The following DNER variants were observed in gnomAD, a reference collection of about 807,000 sequenced individuals.
DNER encodes delta and Notch-like epidermal growth factor-related receptor.
In DNER, 33 loss-of-function variants were observed where a neutral mutation model predicts 78.2. The ratio of observed to expected loss-of-function variants is 0.42; its 90% CI spans 0.32 to 0.56. The LOEUF (loss-of-function observed/expected upper bound fraction) is 0.56. DNER is among the 20% of genes least tolerant of loss of function. DNER has a pLI of 0.11. For synonymous variants in DNER, 417 were observed against 384.8 expected (o/e 1.08, Z -0.98); for missense variants, 918 against 975.3 (o/e 0.94, Z 0.78).
intron 1 of DNER, among the ~76,000 whole-genome samples, chr2:229,640,088 T>C (rs570919414): frequency 6.7e-4 from 102 of 152,338 alleles, no homozygotes; most frequent in African/African-American, 2.3e-3. Context: ...ACAGGAGTAC[T>C]TGTCCTTGCT....
At chr2:229,607,175 TAGATCTA>T (rs1308387079) in intron 1 of DNER, among the ~76,000 whole-genome samples, 1 of 152,234 alleles carries the variant, frequency 6.6e-6, no homozygotes, top group Non-Finnish European at 1.5e-5. Flanking sequence ...ATGCTTAAAG[TAGATCTA>T]AAACTTTTTT....
chr2:229,504,254 C>G (rs1695687969), intron 6 of DNER, among the ~76,000 whole-genome samples: 1 of 151,926 alleles, frequency 6.6e-6, no homozygotes, highest in African/African-American at 2.4e-5. Flanking sequence ...GAGTCTCACT[C>G]TGTTGCCCAG....
At chr2:229,364,411 A>T (rs2106325278) in intron 12 of DNER, among the ~76,000 whole-genome samples, 1 of 152,276 alleles carries the variant, frequency 6.6e-6, no homozygotes, top group Non-Finnish European at 1.5e-5. Context: ...CCCTTTATTT[A>T]CAGGGTAGTG....
At chr2:229,703,051 A>C (rs1375458931) in intron 1 of DNER, among the ~76,000 whole-genome samples, 1 of 152,132 alleles carries the variant, frequency 6.6e-6, no homozygotes, top group Non-Finnish European at 1.5e-5. Flanking sequence ...GGTATTCTAA[A>C]AAGCAAGTTC....
At chr2:229,548,009 C>T (rs1043479701) in intron 4 of DNER, among the ~76,000 whole-genome samples, 7 of 152,054 alleles carry the variant, frequency 4.6e-5, no homozygotes, top group East Asian at 3.8e-4. Flanking sequence ...AACAAAATAT[C>T]GAAATTAATG....
intron 1 of DNER, among the ~76,000 whole-genome samples, chr2:229,607,780 T>C (rs1362509815): frequency 2.0e-5 from 3 of 151,986 alleles, no homozygotes; most frequent in Non-Finnish European, 2.9e-5. Flanking sequence ...CCCAGCACTT[T>C]GGGGGGCCGA....
chr2:229,438,546 G>A (rs1213184676), intron 8 of DNER, among the ~76,000 whole-genome samples: 3 of 152,184 alleles, frequency 2.0e-5, no homozygotes, highest in African/African-American at 7.2e-5. Flanking sequence ...GAAAATAAGT[G>A]TCAGGTGTTT....
rs60862514 is a variant in DNER, at chr2:229,660,189, C to T, written c.276+53959G>A. On this transcript the variant is annotated intron_variant, in intron 1 of 12. Transcript: ENST00000341772. Reference sequence around the variant, plus strand: ...TTGTTACATAGGTAAACTTGGGTCACGGTGTTTTTTTGTACAGATTATTTC... The same window carrying T: ...TTGTTACATAGGTAAACTTGGGTCATGGTGTTTTTTTGTACAGATTATTTC... Among the ~76,000 whole-genome samples the T allele has an allele frequency of 7.1e-3, 1,082 of 152,128 alleles. 13 individuals carry two copies. The highest frequency in any genetic ancestry group is 0.025 in the African/African-American group (1,028 of 41,510).
intron 4 of DNER, among the ~76,000 whole-genome samples, chr2:229,556,744 C>T (rs1696861403): frequency 6.6e-6 from 1 of 152,090 alleles, no homozygotes; most frequent in African/African-American, 2.4e-5. Flanking sequence ...GTATTTTGGT[C>T]CTAAAATCTG....
At chr2:229,448,278 T>C (rs1186854573) in intron 7 of DNER, among the ~76,000 whole-genome samples, 3 of 152,102 alleles carry the variant, frequency 2.0e-5, no homozygotes, top group African/African-American at 7.2e-5. Flanking sequence ...AAATACTACA[T>C]ATTATATAAT....
At position 229,380,311 on chromosome 2, in the gene DNER, G is replaced by A. The variant is rs1052782741; in HGVS notation, c.1855+7954C>T. On this transcript the variant is annotated intron_variant, in intron 11 of 12. Transcript: ENST00000341772. Reference sequence around the variant, plus strand: ...GACATAGAGAGGAGTGGAGAGAGCAGACAGATCAGGCCAAGTGACACAGAC... The same window carrying A: ...GACATAGAGAGGAGTGGAGAGAGCAAACAGATCAGGCCAAGTGACACAGAC... Among the ~76,000 whole-genome samples, 5 of 152,200 alleles carry A rather than the reference G, an allele frequency of 3.3e-5. No individual in the cohort carries two copies. In the East Asian group the frequency reaches 9.7e-4, roughly 29 times the overall value.
chr2:229,556,163 T>G (rs1237544177), intron 4 of DNER, among the ~76,000 whole-genome samples: 1 of 152,224 alleles, frequency 6.6e-6, no homozygotes, highest in African/African-American at 2.4e-5. Context: ...CATAGTTTTC[T>G]AGATAATTTG....
intron 1 of DNER, among the ~76,000 whole-genome samples, chr2:229,644,925 T>A (rs1698688358): frequency 6.6e-6 from 1 of 152,198 alleles, no homozygotes. Flanking sequence ...AGGGTGTTTG[T>A]TGACACAAAT....
Position 229,499,319 on chromosome 2 carries a change from C to A in DNER, c.1147+13464G>T, listed in dbSNP as rs1430214554. Among the ~76,000 whole-genome samples the A allele has an allele frequency of 2.0e-5, 3 of 151,728 alleles. No homozygotes were observed. In the South Asian group the frequency reaches 6.3e-4, roughly 32 times the overall value. On this transcript the variant is annotated intron_variant, in intron 6 of 12. Transcript: ENST00000341772. ...AATTAGCTGGGCATGGTGGTGGGTGCCTGTAGTCCCAGCTACTCAGGAGTT... is the reference window on the plus strand; with the variant it reads ...AATTAGCTGGGCATGGTGGTGGGTGACTGTAGTCCCAGCTACTCAGGAGTT...
chr2:229,396,984 C>G (rs1693157842), intron 10 of DNER, among the ~76,000 whole-genome samples: 1 of 152,088 alleles, frequency 6.6e-6, no homozygotes, highest in South Asian at 2.1e-4. Flanking sequence ...CTTCCTCAGA[C>G]TTTGGGGGTG....
intron 1 of DNER, among the ~76,000 whole-genome samples, chr2:229,670,294 G>A (rs1484267891): frequency 6.6e-6 from 1 of 152,194 alleles, no homozygotes; most frequent in Non-Finnish European, 1.5e-5. Flanking sequence ...TCTCCTCCCA[G>A]GCCGAGGCAA....
At chr2:229,442,898 T>C (rs192077108) in intron 8 of DNER, among the ~76,000 whole-genome samples, 17 of 152,274 alleles carry the variant, frequency 1.1e-4, no homozygotes. Context: ...ACAAATATAA[T>C]TTTCTTTCAA....
chr2:229,434,925 TACACACAC>T (rs58688647), intron 8 of DNER, among the ~76,000 whole-genome samples: 1 of 130,568 alleles, frequency 7.7e-6, no homozygotes. Flanking sequence ...TATATATATA[TACACACAC>T]ACACACACAC....
intron 1 of DNER, among the ~76,000 whole-genome samples, chr2:229,616,926 C>T (rs1324446229): frequency 6.6e-6 from 1 of 152,174 alleles, no homozygotes; most frequent in Non-Finnish European, 1.5e-5. Context: ...CTACAGGTTG[C>T]TCTGGCCATG....
Sources: allele counts gnomAD v4.1 joint callset (sites outside exome capture counted in the v4.1 genomes callset), GRCh38; gene constraint gnomAD v4.1.1; transcripts MANE v1.5; gene names NCBI Gene and HGNC (gene_info 2026-07-23, HGNC 2026-07-21).